GRIK1: variants seen among roughly 807,000 people sequenced by gnomAD.
GRIK1 encodes the protein glutamate ionotropic receptor kainate type subunit 1.
GRIK1 carries 69 observed loss-of-function variants against 105.7 expected under a neutral mutation model. The observed-to-expected ratio is 0.65, with a 90% CI of 0.54 to 0.80. The LOEUF (loss-of-function observed/expected upper bound fraction) is 0.80. Among genes scored for constraint, GRIK1 ranks in the 30% least tolerant of loss-of-function variants. The probability of loss-of-function intolerance (pLI) is 0.00; values close to 1 mark genes in which losing one functional copy is unlikely to be tolerated. For synonymous variants in GRIK1, 438 were observed against 431.3 expected (o/e 1.02, Z -0.19); for missense variants, 1,109 against 1,167.3 (o/e 0.95, Z 0.73).
chr21:29,797,541 A>T (rs190861013), intron 1 of GRIK1, among the ~76,000 whole-genome samples: 1 of 152,342 alleles, frequency 6.6e-6, no homozygotes, highest in East Asian at 1.9e-4. Flanking sequence ...ACCCATTCAC[A>T]AATTCCTGCC....
At chr21:29,910,972 A>G (rs2070794288) in intron 1 of GRIK1, among the ~76,000 whole-genome samples, 1 of 152,052 alleles carries the variant, frequency 6.6e-6, no homozygotes, top group Admixed American at 6.6e-5. Context: ...CTTTCACATT[A>G]TTTTGATTAT....
intron 6 of GRIK1, among the ~76,000 whole-genome samples, chr21:29,648,853 G>C (rs1337792514): frequency 1.3e-5 from 2 of 152,128 alleles, no homozygotes; most frequent in African/African-American, 4.8e-5. Flanking sequence ...CAAGGCAGGG[G>C]GACAGCAAGT....
intron 1 of GRIK1, among the ~76,000 whole-genome samples, chr21:29,868,015 AGAC>A (rs199984737): frequency 0.011 from 1,483 of 141,020 alleles, 28 homozygotes; most frequent in African/African-American, 0.038. Context: ...AAGAAAGAAA[AGAC>A]AGAAAGAAAG....
At chr21:29,574,798 C>T (rs1286650099) in intron 14 of GRIK1, among the ~76,000 whole-genome samples, 3 of 150,596 alleles carry the variant, frequency 2.0e-5, no homozygotes, top group Admixed American at 6.7e-5. Context: ...CGCCATTCTC[C>T]TGCCTCAGCC....
At chr21:29,564,369 G>A (rs113756041) in intron 14 of GRIK1, among the ~76,000 whole-genome samples, 128 of 152,128 alleles carry the variant, frequency 8.4e-4, no homozygotes, top group African/African-American at 2.7e-3. Flanking sequence ...GGATGGTCTC[G>A]ATCTCCTGAC....
intron 1 of GRIK1, among the ~76,000 whole-genome samples, chr21:29,714,581 C>G (rs1037401463): frequency 6.6e-6 from 1 of 152,074 alleles, no homozygotes; most frequent in Admixed American, 6.5e-5. Flanking sequence ...GGATATCTAC[C>G]TACCCAGTAG....
intron 1 of GRIK1, among the ~76,000 whole-genome samples, chr21:29,712,339 T>A (rs976539331): frequency 2.0e-5 from 3 of 152,118 alleles, no homozygotes; most frequent in Non-Finnish European, 2.9e-5. Flanking sequence ...TTTCAATGAA[T>A]AAATTCTTGT....
chr21:29,906,437 A>G lies in GRIK1; in HGVS notation c.118+32946T>C, dbSNP rs565451867. On this transcript the variant is annotated intron_variant, in intron 1 of 17. Coordinates refer to ENST00000327783, the MANE Select transcript of GRIK1 (RefSeq NM_001330994.2). ...ACTGATAAAATATTTTATTTCAAAAATTGTTAAGTTGTTTTGTTTTCCATT... is the reference window on the plus strand; with the variant it reads ...ACTGATAAAATATTTTATTTCAAAAGTTGTTAAGTTGTTTTGTTTTCCATT... 2.6e-5 allele frequency among the ~76,000 whole-genome samples: 4 copies of G among 152,278 alleles called. No homozygotes were observed. In the South Asian group the frequency reaches 8.3e-4, roughly 32 times the overall value.
In GRIK1 at chr21:29,667,517, T is replaced by C. The variant is rs961993124; in HGVS notation, c.726+5466A>G. Among the ~76,000 whole-genome samples, 8 of 152,292 alleles carry C rather than the reference T, an allele frequency of 5.3e-5. No homozygotes were observed. The East Asian group carries it at 1.3e-3, about 26-fold the overall frequency. Reference sequence around the variant, plus strand: ...AATGTTGACAGGAGAAAATGCAATATAGCTGTACAAACTATTTTGGTGCTA... The same window carrying C: ...AATGTTGACAGGAGAAAATGCAATACAGCTGTACAAACTATTTTGGTGCTA... On this transcript the variant is annotated intron_variant, in intron 4 of 17. Transcript: ENST00000327783.
At chr21:29,828,912 AG>A (rs1416287906) in intron 1 of GRIK1, among the ~76,000 whole-genome samples, 4 of 152,176 alleles carry the variant, frequency 2.6e-5, no homozygotes, top group African/African-American at 4.8e-5. Context: ...GTCACATAAC[AG>A]AGCGATATTC....
At chr21:29,760,901 T>C (rs565816838) in intron 1 of GRIK1, among the ~76,000 whole-genome samples, 4 of 152,340 alleles carry the variant, frequency 2.6e-5, no homozygotes, top group East Asian at 1.9e-4. Flanking sequence ...GTAATTCAGA[T>C]GGAAAAGACT....
At chr21:29,686,532 T>A (rs1238911486) in intron 3 of GRIK1, among the ~76,000 whole-genome samples, 1 of 152,242 alleles carries the variant, frequency 6.6e-6, no homozygotes, top group Non-Finnish European at 1.5e-5. Context: ...TGTCTTATCT[T>A]TTAAGGCTAT....
intron 4 of GRIK1, among the ~76,000 whole-genome samples, chr21:29,670,706 T>C: frequency 6.6e-6 from 1 of 152,218 alleles, no homozygotes; most frequent in Non-Finnish European, 1.5e-5. Flanking sequence ...GATGCTTCTT[T>C]GCCTTTTGAG....
At chr21:29,934,599 G>A (rs2071684487) in intron 1 of GRIK1, among the ~76,000 whole-genome samples, 1 of 152,094 alleles carries the variant, frequency 6.6e-6, no homozygotes, top group Admixed American at 6.5e-5. Context: ...TTTATTGTTT[G>A]AACACACACT....
chr21:29,867,916 GAA>G (rs1377738002), intron 1 of GRIK1, among the ~76,000 whole-genome samples: 2,019 of 135,194 alleles, frequency 0.015, 60 homozygotes, highest in African/African-American at 0.061. Flanking sequence ...GAAAGAGAGA[GAA>G]AGAGAGAAAG....
intron 7 of GRIK1, chr21:29,630,771 TTTTTGTTTTG>T (rs201600356): frequency 7.8e-4 from 276 of 353,442 alleles, no homozygotes; most frequent in African/African-American, 5.1e-3. Flanking sequence ...TGTGTGTGTG[TTTTTGTTTTG>T]TTTTGTTTTG....
At chr21:29,805,393 A>G (rs1045049050) in intron 1 of GRIK1, among the ~76,000 whole-genome samples, 2 of 152,114 alleles carry the variant, frequency 1.3e-5, no homozygotes, top group African/African-American at 4.8e-5. Flanking sequence ...TGGGCCACTG[A>G]TCAAACTGGC....
At chr21:29,769,356 G>A (rs188771955) in intron 1 of GRIK1, among the ~76,000 whole-genome samples, 3 of 152,270 alleles carry the variant, frequency 2.0e-5, no homozygotes, top group East Asian at 1.9e-4. Context: ...GACACAGGGA[G>A]AATTCATCTA....
At position 29,589,019 on chromosome 21, in the gene GRIK1, C is replaced by T. The variant is rs554867662; in HGVS notation, c.1389G>A (p.Arg463=). 237 of 1,593,182 alleles carry T rather than the reference C, an allele frequency of 1.5e-4. 1 individual carries two copies. The highest frequency in any genetic ancestry group is 9.9e-4 in the Middle Eastern group (6 of 6,038). ...TTCCATATAGAGGCTTATCAGATTT[C>T]CTGTACATAACATAGGGTTCTTCCT... ...TILEEPYVMY[R]KSDKPLYGND... Residue 463 remains arginine, a synonymous_variant, in exon 11 of 18, where the codon AGG becomes AGA. Coordinates refer to ENST00000327783, the MANE Select transcript of GRIK1 (RefSeq NM_001330994.2).
Sources: allele counts gnomAD v4.1 joint callset (sites outside exome capture counted in the v4.1 genomes callset), GRCh38; gene constraint gnomAD v4.1.1; transcripts MANE v1.5; gene names NCBI Gene and HGNC (gene_info 2026-07-23, HGNC 2026-07-21).